The following KANSL1 variants were observed in gnomAD, a reference collection of about 807,000 sequenced individuals.
The protein encoded by KANSL1 is MLL1/MLL complex subunit KANSL1.
In KANSL1, 22 loss-of-function variants were observed where a neutral mutation model predicts 103.6. That is an observed-to-expected ratio of 0.21 (90% CI 0.15 to 0.30). The LOEUF (loss-of-function observed/expected upper bound fraction) is 0.30, where lower values mean the gene tolerates loss of function less well. Among genes scored for constraint, KANSL1 ranks in the 10% least tolerant of loss-of-function variants. KANSL1 has a pLI of 1.00. For missense variants in KANSL1, 1,337 were observed against 1,399.8 expected (o/e 0.96, Z 0.72); for synonymous variants, 600 against 527.6 (o/e 1.14, Z -1.88).
chr17:46,093,424 A>T lies in KANSL1; in HGVS notation c.1431+1136T>A, dbSNP rs73984688. 7.2e-5 allele frequency: 11 copies of T among 152,590 alleles called. No homozygotes were observed. In the East Asian group the frequency reaches 1.5e-3, roughly 21 times the overall value. The allele number at this position is 152,590 out of a possible 1,614,324, so 9.5% of individuals were successfully genotyped here. A position where few individuals can be genotyped will look rare whatever the true frequency, so the allele number is the denominator to read the frequency against. ...ACAAACTAGTAAGAATAAAAAAGTGAGCCCTCTGGACTGTGTCCTCAATTA... is the reference window on the plus strand; with the variant it reads ...ACAAACTAGTAAGAATAAAAAAGTGTGCCCTCTGGACTGTGTCCTCAATTA... On this transcript the variant is annotated intron_variant, in intron 3 of 14. Transcript: ENST00000432791.
chr17:46,135,646 G>A (rs2044098726), intron 2 of KANSL1, among the ~76,000 whole-genome samples: 1 of 145,006 alleles, frequency 6.9e-6, no homozygotes, highest in Non-Finnish European at 1.5e-5. Flanking sequence ...ACTGGCTCAA[G>A]CGAGCCTCCC....
chr17:46,220,596 T>A (rs975610674), intron 1 of KANSL1, among the ~76,000 whole-genome samples: 2 of 152,274 alleles, frequency 1.3e-5, no homozygotes, highest in Non-Finnish European at 2.9e-5. Flanking sequence ...CAATGAGAAG[T>A]CTCCTTCCTA....
chr17:46,201,187 C>T (rs1444742822), intron 1 of KANSL1, among the ~76,000 whole-genome samples: 1 of 152,234 alleles, frequency 6.6e-6, no homozygotes, highest in African/African-American at 2.4e-5. Flanking sequence ...ACTGGGATTA[C>T]AGGCGTGAGC....
At chr17:46,175,232 A>C (rs117026337) in intron 1 of KANSL1, among the ~76,000 whole-genome samples, 1,557 of 152,208 alleles carry the variant, frequency 0.01, 9 homozygotes, top group Middle Eastern at 0.034. Flanking sequence ...CATTAACATA[A>C]AAATACTCAA....
At chr17:46,196,933 T>A (rs933733869), upstream of KANSL1, among the ~76,000 whole-genome samples, 21 of 151,958 alleles carry the variant, frequency 1.4e-4, no homozygotes, top group African/African-American at 5.1e-4. Flanking sequence ...ACAGCAAAAC[T>A]TCATCTCTTC....
At chr17:46,183,779 C>T (rs1442330105) in intron 1 of KANSL1, among the ~76,000 whole-genome samples, 1 of 152,000 alleles carries the variant, frequency 6.6e-6, no homozygotes, top group Non-Finnish European at 1.5e-5. Flanking sequence ...AGCGAAACCC[C>T]GTCTTTGCCT....
chr17:46,220,129 A>T (rs1348980750), intron 1 of KANSL1, among the ~76,000 whole-genome samples: 1 of 152,178 alleles, frequency 6.6e-6, no homozygotes, highest in African/African-American at 2.4e-5. Context: ...AAACAAAAAA[A>T]CTATTCTCTC....
At chr17:46,047,963 A>T (rs1568385033) in intron 7 of KANSL1, among the ~76,000 whole-genome samples, 1 of 149,442 alleles carries the variant, frequency 6.7e-6, no homozygotes, top group Non-Finnish European at 1.5e-5. Context: ...GCTGCAGTGC[A>T]TTGGCTCAAT....
chr17:46,042,973 GTCT>G (rs2077379044), intron 7 of KANSL1: 1 of 152,158 alleles, frequency 6.6e-6, no homozygotes, highest in African/African-American at 2.4e-5. Flanking sequence ...GGACAGTGCT[GTCT>G]TCTCAAACAT....
chr17:46,178,800 C>CT (rs1407181933), intron 1 of KANSL1, among the ~76,000 whole-genome samples: 1 of 152,070 alleles, frequency 6.6e-6, no homozygotes, highest in Non-Finnish European at 1.5e-5. Context: ...TAACAAGCAC[C>CT]TTTTTCCATT....
chr17:46,037,769 A>C (rs1380571996), intron 10 of KANSL1: 1 of 152,270 alleles, frequency 6.6e-6, no homozygotes, highest in African/African-American at 2.4e-5. Context: ...ATTACATTAC[A>C]TTGTAATTAT....
At chr17:46,224,499 C>A (rs571166166), upstream of KANSL1, 5 of 147,858 alleles carry the variant, frequency 3.4e-5, no homozygotes, top group East Asian at 1.1e-3. Flanking sequence ...ATAACAGCAC[C>A]CACTTCTTAA....
intron 2 of KANSL1, among the ~76,000 whole-genome samples, chr17:46,106,222 G>A (rs1182591848): frequency 6.6e-6 from 1 of 152,158 alleles, no homozygotes; most frequent in Non-Finnish European, 1.5e-5. Context: ...TTATCATTGA[G>A]CCCCCAGTCA....
chr17:46,091,121 G>T (rs2079370691), intron 3 of KANSL1, among the ~76,000 whole-genome samples: 1 of 152,248 alleles, frequency 6.6e-6, no homozygotes. Flanking sequence ...AACAAGATGT[G>T]AAGGTGGAAG....
At chr17:46,200,325 T>C (rs2732665) in intron 1 of KANSL1, among the ~76,000 whole-genome samples, 21,944 of 152,194 alleles carry the variant, frequency 0.14, 2,137 homozygotes, top group Non-Finnish European at 0.22. Flanking sequence ...AAGGTAAATA[T>C]GCAGAACTTC....
chr17:46,031,909 G>C, intron 14 of KANSL1, 138 bp downstream of exon 14: 1 of 1,250,734 alleles, frequency 8.0e-7, no homozygotes, highest in Non-Finnish European at 1.1e-6. Context: ...ACTGAACGTT[G>C]AGGAGATCAA....
At chr17:46,146,052 T>C (rs1468522590) in intron 2 of KANSL1, among the ~76,000 whole-genome samples, 1 of 152,198 alleles carries the variant, frequency 6.6e-6, no homozygotes, top group Non-Finnish European at 1.5e-5. Context: ...CTGAAGCCTC[T>C]TTACTCATTC....
intron 1 of KANSL1, among the ~76,000 whole-genome samples, chr17:46,189,573 A>C (rs2047208455): frequency 6.6e-6 from 1 of 152,230 alleles, no homozygotes; most frequent in East Asian, 1.9e-4. Flanking sequence ...TTGGTGTTTT[A>C]TAGCACATTT....
rs570475423 is a variant in KANSL1 at position 46,171,152 on chromosome 17, T to C, written c.992A>G (p.Lys331Arg). ...LGGFLEKTLS[K>R]LPNLESLRPR... ...TCTCAAGGATTCCAAGTTTGGCAGT[T>C]TGCTCAAAGTCTTCTCCAAAAATCC... The change falls in exon 2 of 15, where the codon AAA (lysine) becomes AGA (arginine). Residue 331 changes from lysine (K) to arginine (R), a missense_variant. By Grantham distance (26) the Lys-to-Arg change is conservative. Around this residue, in one of 2 missense-constraint regions of KANSL1, gnomAD observed 557 missense variants for 476.4 expected, o/e 1.17. Coordinates refer to ENST00000432791, the MANE Select transcript of KANSL1 (RefSeq NM_015443.4). 15 of 1,614,200 alleles carry C rather than the reference T, an allele frequency of 9.3e-6. No individual in the cohort carries two copies. The African/African-American group carries it at 1.5e-4, about 16-fold the overall frequency.
Sources: gnomAD v4.1 joint callset for allele counts (sites outside exome capture counted in the v4.1 genomes callset) on GRCh38, gnomAD v4.1.1 for gene constraint, gnomAD v4.1.1 regional missense constraint, MANE v1.5 for transcripts, NCBI Gene and HGNC (gene_info 2026-07-23, HGNC 2026-07-21) for gene names.